The following CARMIL1 variants were observed in gnomAD, a reference collection of about 807,000 sequenced individuals.
The protein encoded by CARMIL1 is capping protein regulator and myosin 1 linker 1.
A neutral mutation model predicts 177.1 loss-of-function variants in CARMIL1; 90 were observed. The observed-to-expected ratio is 0.51, with a 90% CI of 0.43 to 0.61. The LOEUF (loss-of-function observed/expected upper bound fraction) is 0.61, where lower values mean the gene tolerates loss of function less well. CARMIL1 is among the 20% of genes least tolerant of loss of function. CARMIL1 has a pLI of 0.00. For synonymous variants in CARMIL1, 577 were observed against 606.2 expected (o/e 0.95, Z 0.71); for missense variants, 1,380 against 1,667.0 (o/e 0.83, Z 3.00).
chr6:25,343,088 C>T (rs1787112536), intron 2 of CARMIL1, among the ~76,000 whole-genome samples: 1 of 152,202 alleles, frequency 6.6e-6, no homozygotes, highest in Non-Finnish European at 1.5e-5. Flanking sequence ...GAATGCACCT[C>T]ATTGGGTGTT....
At chr6:25,309,354 C>CAAAA (rs70975001) in intron 2 of CARMIL1, among the ~76,000 whole-genome samples, 1 of 85,682 alleles carries the variant, frequency 1.2e-5, no homozygotes, top group Non-Finnish European at 2.3e-5. Flanking sequence ...GAGTCCCTCT[C>CAAAA]AAAAAAAAAA....
intron 2 of CARMIL1, among the ~76,000 whole-genome samples, chr6:25,349,256 G>T (rs1045071396): frequency 7.9e-5 from 12 of 152,182 alleles, no homozygotes; most frequent in African/African-American, 2.4e-4. Flanking sequence ...AACCTAATGT[G>T]CATGGCTTTG....
intron 2 of CARMIL1, among the ~76,000 whole-genome samples, chr6:25,405,359 C>T (rs1196693407): frequency 6.6e-6 from 1 of 152,192 alleles, no homozygotes; most frequent in African/African-American, 2.4e-5. Flanking sequence ...TTGTATACCT[C>T]ATATAAGGTC....
At chr6:25,413,379 G>A (rs1795089576) in intron 2 of CARMIL1, among the ~76,000 whole-genome samples, 1 of 152,204 alleles carries the variant, frequency 6.6e-6, no homozygotes, top group Non-Finnish European at 1.5e-5. Flanking sequence ...TGGATTTAGA[G>A]AGCATGAATT....
intron 2 of CARMIL1, among the ~76,000 whole-genome samples, chr6:25,333,796 A>G (rs1785934188): frequency 6.6e-6 from 1 of 152,186 alleles, no homozygotes; most frequent in Non-Finnish European, 1.5e-5. Flanking sequence ...CAAAACTGGT[A>G]GGCTCCATAT....
chr6:25,583,246 C>T (rs540867667), intron 31 of CARMIL1, among the ~76,000 whole-genome samples: 1 of 152,306 alleles, frequency 6.6e-6, no homozygotes, highest in South Asian at 2.1e-4. Context: ...CCCTCCTTAC[C>T]CCTCCCACTG....
intron 23 of CARMIL1, among the ~76,000 whole-genome samples, chr6:25,521,066 T>C (rs1169629825): frequency 6.6e-6 from 1 of 152,124 alleles, no homozygotes; most frequent in Non-Finnish European, 1.5e-5. Context: ...CTTGGCGATG[T>C]CATCCAAAAG....
At position 25,316,470 on chromosome 6, in the gene CARMIL1, A is replaced by C. The variant is rs1309405960; in HGVS notation, c.138+31561A>C. On this transcript the variant is annotated intron_variant, in intron 2 of 36. Transcript: ENST00000329474. ...AGTCCCACTCTGTCGCCCAGGCTGG[A>C]GTGTGATCTCCACTCACCGCAACCT... Among the ~76,000 whole-genome samples, 6 of 148,156 alleles carry C rather than the reference A, an allele frequency of 4.0e-5. No individual in the cohort carries two copies. The Admixed American group carries it at 4.1e-4, about 10-fold the overall frequency.
chr6:25,399,312 A>G (rs1793696929), intron 2 of CARMIL1, among the ~76,000 whole-genome samples: 1 of 152,206 alleles, frequency 6.6e-6, no homozygotes, highest in Admixed American at 6.5e-5. Flanking sequence ...GCTCTGCCAG[A>G]ATGTGGTTGT....
chr6:25,490,414 A>G (rs1003631042), intron 13 of CARMIL1, among the ~76,000 whole-genome samples: 24 of 152,128 alleles, frequency 1.6e-4, no homozygotes, highest in Admixed American at 1.3e-3. Flanking sequence ...CATCCATTCT[A>G]TGGCTGGGTG....
At chr6:25,384,931 A>G (rs978618184) in intron 2 of CARMIL1, among the ~76,000 whole-genome samples, 1 of 152,156 alleles carries the variant, frequency 6.6e-6, no homozygotes, top group Non-Finnish European at 1.5e-5. Context: ...ACACTATTTA[A>G]TTTCGCCCAT....
chr6:25,383,470 A>C (rs928419738), intron 2 of CARMIL1: 1 of 152,172 alleles, frequency 6.6e-6, no homozygotes, highest in Non-Finnish European at 1.5e-5. Flanking sequence ...GATTGGACAA[A>C]ATCTATGTTT....
intron 23 of CARMIL1, among the ~76,000 whole-genome samples, chr6:25,528,534 A>C (rs1042775328): frequency 6.6e-6 from 1 of 152,194 alleles, no homozygotes; most frequent in Non-Finnish European, 1.5e-5. Context: ...CAGGCAATTA[A>C]AAGCTTGCTT....
chr6:25,306,445 T>C (rs991455280), intron 2 of CARMIL1, among the ~76,000 whole-genome samples: 9 of 152,148 alleles, frequency 5.9e-5, no homozygotes, highest in African/African-American at 9.7e-5. Flanking sequence ...GAGAATCTAG[T>C]TGATGCTCGA....
In CARMIL1 at chr6:25,420,141, G is replaced by GT; in HGVS notation, c.167dup (p.Thr57AsnfsTer33). Reference sequence around the variant, plus strand: ...CCTTACATCATGCCGAGCCTTCCTTGTAACAGCGCGAATCCCCACCAAGGT... The same window carrying GT: ...CCTTACATCATGCCGAGCCTTCCTTGTTAACAGCGCGAATCCCCACCAAGGT... On this transcript the variant is annotated frameshift_variant, in exon 3 of 37. Transcript: ENST00000329474. LOFTEE classifies it high-confidence loss of function. 1 of 1,613,628 alleles carries GT rather than the reference G, an allele frequency of 6.2e-7. No individual in the cohort carries two copies. Among genetic ancestry groups the GT allele is most frequent in the East Asian group, 2.2e-5 (1 of 44,872 alleles).
chr6:25,441,337 A>ATATGTGTGTGTGTG, intron 5 of CARMIL1, among the ~76,000 whole-genome samples: 1,109 of 94,470 alleles, frequency 0.012, 14 homozygotes, highest in African/African-American at 0.024. Flanking sequence ...ATATATATAT[A>ATATGTGTGTGTGTG]TGTGTGTGTG....
Position 25,581,335 on chromosome 6 carries a change from T to A in CARMIL1, c.2902T>A (p.Ser968Thr), listed in dbSNP as rs897243591. ...ATCCCTCAGACAGGAGAAGCGGAGC[T>A]CGGGATTTATCTCTGAGTTGCCCTC... ...FPSLRQEKRS[S>T]GFISELPSEE... Residue 968 changes from serine (S) to threonine (T), a missense_variant, in exon 31 of 37, where the codon TCG (serine) becomes ACG (threonine). By Grantham distance (58) the Ser-to-Thr change is moderately conservative. Transcript: ENST00000329474. 5.6e-6 allele frequency: 9 copies of A among 1,613,568 alleles called. No homozygotes were observed. The highest frequency in any genetic ancestry group is 6.8e-6 in the Non-Finnish European group (8 of 1,179,840).
At chr6:25,599,134 G>C (rs1364520480) in intron 32 of CARMIL1, among the ~76,000 whole-genome samples, 1 of 152,172 alleles carries the variant, frequency 6.6e-6, no homozygotes, top group Non-Finnish European at 1.5e-5. Context: ...GTGGTTTAGG[G>C]AGAGGATCCG....
At chr6:25,603,897 C>T (rs997256637) in intron 33 of CARMIL1, among the ~76,000 whole-genome samples, 3 of 152,226 alleles carry the variant, frequency 2.0e-5, no homozygotes, top group South Asian at 4.1e-4. Flanking sequence ...ACTAATTCCT[C>T]CCACCTGCAG....
Sources: gnomAD v4.1 joint callset for allele counts (sites outside exome capture counted in the v4.1 genomes callset) on GRCh38, gnomAD v4.1.1 for gene constraint, MANE v1.5 for transcripts, NCBI Gene and HGNC (gene_info 2026-07-23, HGNC 2026-07-21) for gene names.